The following STK3 variants were observed in gnomAD, a reference collection of about 807,000 sequenced individuals.
STK3 encodes serine/threonine-protein kinase 3.
STK3 carries 41 observed loss-of-function variants against 58.0 expected under a neutral mutation model. The ratio of observed to expected loss-of-function variants is 0.71; its 90% CI spans 0.55 to 0.92. STK3 has a LOEUF of 0.92. STK3 is among the 40% of genes least tolerant of loss of function. The pLI, the probability that STK3 is intolerant of heterozygous loss-of-function variation, is 0.00. For synonymous variants in STK3, 170 were observed against 191.0 expected (o/e 0.89, Z 0.91); for missense variants, 479 against 602.7 (o/e 0.79, Z 2.15).
intron 9 of STK3, among the ~76,000 whole-genome samples, chr8:98,545,419 TTTA>T (rs1479643781): frequency 7.2e-5 from 11 of 152,116 alleles, no homozygotes; most frequent in Non-Finnish European, 4.4e-5. Context: ...TAAAAACAGG[TTTA>T]GAAAGTTATT....
intron 1 of STK3, among the ~76,000 whole-genome samples, chr8:98,919,959 C>T (rs963574999): frequency 3.3e-5 from 5 of 152,130 alleles, no homozygotes; most frequent in South Asian, 4.1e-4. Flanking sequence ...TTTAATCCCA[C>T]GTGTTATATA....
At chr8:98,609,102 G>A (rs534321413) in intron 6 of STK3, among the ~76,000 whole-genome samples, 22 of 152,016 alleles carry the variant, frequency 1.4e-4, no homozygotes, top group Non-Finnish European at 2.2e-4. Context: ...CAACCCTTCC[G>A]CAAGCATTAT....
intron 2 of STK3, among the ~76,000 whole-genome samples, chr8:98,436,391 T>C (rs920811942): frequency 1.3e-5 from 2 of 152,278 alleles, no homozygotes; most frequent in East Asian, 3.9e-4. Context: ...CCCATGTGCA[T>C]TGGCATTCAC....
chr8:98,786,879 G>A (rs371259020), intron 1 of STK3, among the ~76,000 whole-genome samples: 102 of 152,134 alleles, frequency 6.7e-4, no homozygotes, highest in African/African-American at 2.3e-3. Flanking sequence ...TCACCAGGCC[G>A]TCCAAGGTCA....
At chr8:98,447,188 G>A (rs1453138949) in intron 1 of STK3, among the ~76,000 whole-genome samples, 1 of 151,942 alleles carries the variant, frequency 6.6e-6, no homozygotes, top group Non-Finnish European at 1.5e-5. Context: ...AAACCCCCAT[G>A]ACATATGGAT....
chr8:98,437,883 G>A (rs1364090591), intron 1 of STK3: 1 of 152,188 alleles, frequency 6.6e-6, no homozygotes, highest in African/African-American at 2.4e-5. Context: ...AACCAAGGGT[G>A]TCCCTGGGCT....
At chr8:98,929,309 G>A (rs1430858736) in intron 1 of STK3, among the ~76,000 whole-genome samples, 1 of 152,056 alleles carries the variant, frequency 6.6e-6, no homozygotes, top group African/African-American at 2.4e-5. Context: ...AGAAACTAAG[G>A]CAAATGAATG....
chr8:98,782,139 C>T, intron 1 of STK3: 2 of 231,082 alleles, frequency 8.7e-6, no homozygotes, highest in Non-Finnish European at 8.8e-6. Context: ...TGAAATTGGC[C>T]ATGCCAACTC....
At chr8:98,393,204 G>A (rs1038332647), upstream of STK3, among the ~76,000 whole-genome samples, 11 of 152,100 alleles carry the variant, frequency 7.2e-5, no homozygotes, top group African/African-American at 2.7e-4. Context: ...GTTGAACTTG[G>A]ACTAAGCTCA....
At chr8:98,429,749 C>G (rs2131071142) in intron 3 of STK3, 1 of 259,776 alleles carries the variant, frequency 3.8e-6, no homozygotes, top group Non-Finnish European at 7.9e-6. Context: ...TGGCCCAGTA[C>G]TGTCTATGAG....
At chr8:98,516,871 C>T (rs1352835626) in intron 10 of STK3, among the ~76,000 whole-genome samples, 1 of 151,884 alleles carries the variant, frequency 6.6e-6, no homozygotes, top group African/African-American at 2.4e-5. Flanking sequence ...ATATTTGTAG[C>T]CTTGGCTATT....
At chr8:98,516,973 T>C (rs1824974869) in intron 10 of STK3, among the ~76,000 whole-genome samples, 1 of 152,004 alleles carries the variant, frequency 6.6e-6, no homozygotes, top group Non-Finnish European at 1.5e-5. Flanking sequence ...CTAACCCAGG[T>C]TACTGAGCCT....
chr8:98,696,489 G>T (rs1824946085), intron 6 of STK3, among the ~76,000 whole-genome samples: 1 of 151,842 alleles, frequency 6.6e-6, no homozygotes, highest in South Asian at 2.1e-4. Flanking sequence ...TATTGGCTGT[G>T]GGTTTGTCAT....
chr8:98,685,398 G>A (rs1458381897), intron 6 of STK3, among the ~76,000 whole-genome samples: 2 of 152,176 alleles, frequency 1.3e-5, no homozygotes, highest in African/African-American at 2.4e-5. Flanking sequence ...TCCTGTGTAA[G>A]TATCAGGGGT....
chr8:98,412,967 C>A, intron 3 of STK3: 1 of 264,080 alleles, frequency 3.8e-6, no homozygotes, highest in South Asian at 4.1e-5. Flanking sequence ...TCTGGCCTCT[C>A]AGGAAGGTCT....
intron 1 of STK3, among the ~76,000 whole-genome samples, chr8:98,893,540 A>AAAGAAAGAAAGAAAG (rs1564087625): frequency 3.5e-5 from 5 of 141,574 alleles, no homozygotes; most frequent in African/African-American, 8.0e-5. Context: ...AAGAAAGAAA[A>AAAGAAAGAAAGAAAG]AGAAAGAGAA....
At chr8:98,712,368 T>G (rs926629809) in intron 4 of STK3, among the ~76,000 whole-genome samples, 2 of 152,162 alleles carry the variant, frequency 1.3e-5, no homozygotes, top group African/African-American at 4.8e-5. Context: ...GACCCATCAG[T>G]GTGCTGTATT....
chr8:98,404,428 C>A (rs1289034070), intron 3 of STK3, among the ~76,000 whole-genome samples: 1 of 152,090 alleles, frequency 6.6e-6, no homozygotes. Context: ...CGCCTGTAAC[C>A]CCAGCACTTT....
At chr8:98,780,662 A>G (rs916063907) in intron 1 of STK3, among the ~76,000 whole-genome samples, 14 of 148,572 alleles carry the variant, frequency 9.4e-5, no homozygotes, top group East Asian at 5.9e-4. Context: ...AACACAGGGG[A>G]AAAAAAAAAC....
Sources: gnomAD v4.1 joint callset for allele counts (sites outside exome capture counted in the v4.1 genomes callset) on GRCh38, gnomAD v4.1.1 for gene constraint, MANE v1.5 for transcripts, NCBI Gene and HGNC (gene_info 2026-07-23, HGNC 2026-07-21) for gene names.